TMPRSS15: variants seen among roughly 807,000 people sequenced by gnomAD.
TMPRSS15 encodes the protein transmembrane serine protease 15.
Under a neutral mutation model 125.3 loss-of-function variants are expected in TMPRSS15, and 128 were observed. The ratio of observed to expected loss-of-function variants is 1.02; its 90% CI spans 0.89 to 1.18. The LOEUF is 1.18. Ranked by LOEUF, TMPRSS15 falls within the 50% of genes most tolerant of loss-of-function variation. The probability of loss-of-function intolerance (pLI) is 0.00; values close to 1 mark genes in which losing one functional copy is unlikely to be tolerated. For missense variants in TMPRSS15, 1,283 were observed against 1,212.7 expected, an observed-to-expected ratio of 1.06 and a Z score of -0.86; for synonymous variants, 446 against 423.2, an observed-to-expected ratio of 1.05 and a Z score of -0.66.
chr21:18,327,860 T>C (rs1438478001), intron 15 of TMPRSS15, among the ~76,000 whole-genome samples: 1 of 152,130 alleles, frequency 6.6e-6, no homozygotes, highest in Non-Finnish European at 1.5e-5. Context: ...ATGACCAGTG[T>C]GGCCAACATG....
rs773184292 is a variant in TMPRSS15 at position 18,353,900 on chromosome 21, T to C, written c.881-37A>G. The C allele has an allele frequency of 1.1e-4, 170 of 1,579,700 alleles. 1 individual carries two copies. The highest frequency in any genetic ancestry group is 1.8e-4 in the Middle Eastern group (1 of 5,670). ...AATAAACAACTGTTATATGTATATA[T>C]CTATCTGTTCATCTCTCTATCCATC... On this transcript the variant is annotated intron_variant, in intron 8 of 24. Transcript: ENST00000284885.
intron 15 of TMPRSS15, among the ~76,000 whole-genome samples, chr21:18,327,296 T>A (rs1264157922): frequency 6.6e-6 from 1 of 152,224 alleles, no homozygotes; most frequent in East Asian, 1.9e-4. Context: ...ACGTTTTAAT[T>A]TTTTAGATGA....
At chr21:18,366,906 T>C (rs2147036727) in intron 6 of TMPRSS15, among the ~76,000 whole-genome samples, 1 of 152,204 alleles carries the variant, frequency 6.6e-6, no homozygotes, top group Non-Finnish European at 1.5e-5. Flanking sequence ...TCAAATTACA[T>C]AATACAAGCT....
chr21:18,375,828 G>T (rs1041863947), intron 5 of TMPRSS15, among the ~76,000 whole-genome samples: 1 of 152,172 alleles, frequency 6.6e-6, no homozygotes, highest in Non-Finnish European at 1.5e-5. Flanking sequence ...TTTGACATTA[G>T]GAACCTCCTG....
upstream of TMPRSS15, among the ~76,000 whole-genome samples, chr21:18,405,765 T>C (rs2076149756): frequency 6.6e-6 from 1 of 152,120 alleles, no homozygotes. Context: ...ATTAAGCATA[T>C]ATAAAAAGCA....
At chr21:18,457,095 C>A (rs990212198) in intron 1 of TMPRSS15, among the ~76,000 whole-genome samples, 3 of 151,998 alleles carry the variant, frequency 2.0e-5, no homozygotes, top group African/African-American at 7.2e-5. Flanking sequence ...CCTATCTAAG[C>A]CTCAATTTCC....
In TMPRSS15 at chr21:18,332,734, C is replaced by A. The variant is rs149854117; in HGVS notation, c.1565-561G>T. On this transcript the variant is annotated intron_variant, in intron 13 of 24. Transcript: ENST00000284885. The stretch of plus-strand genomic sequence containing the variant: ...GAAATACAATTTGACCCAGCAATTC[C>A]GCTACTCGGTATATACCCAAAGGAA... Among the ~76,000 whole-genome samples, 1,087 of 152,204 alleles carry A rather than the reference C, an allele frequency of 7.1e-3. 17 individuals carry two copies. The highest frequency in any genetic ancestry group is 0.025 in the African/African-American group (1,030 of 41,504).
At chr21:18,451,135 T>TA (rs1188780166) in intron 1 of TMPRSS15, among the ~76,000 whole-genome samples, 1 of 152,178 alleles carries the variant, frequency 6.6e-6, no homozygotes, top group Non-Finnish European at 1.5e-5. Context: ...TTAAGGATTT[T>TA]ATTGTAATAC....
In TMPRSS15 at chr21:18,379,282, C is replaced by A; in HGVS notation, c.532+1G>T. ...ATAATAATAATATTATTAAAACTGACCTGGAGTTGCCAGATGACTGGTGGT... is the reference window on the plus strand; with the variant it reads ...ATAATAATAATATTATTAAAACTGAACTGGAGTTGCCAGATGACTGGTGGT... On this transcript the variant is annotated splice_donor_variant, in intron 5 of 24. Transcript: ENST00000284885. LOFTEE classifies it high-confidence loss of function. The A allele has an allele frequency of 7.6e-7, 1 of 1,316,230 alleles. No homozygotes were observed. Among genetic ancestry groups the A allele is most frequent in the South Asian group, 2.3e-5 (1 of 44,118 alleles). 81.5% of individuals were successfully genotyped at this position (1,316,230 alleles called of 1,614,324 possible).
At position 18,467,480 on chromosome 21, in the gene TMPRSS15, C is replaced by A. The variant is rs1189641932; in HGVS notation, c.10+18319G>T. Among the ~76,000 whole-genome samples, 3 of 151,866 alleles carry A rather than the reference C, an allele frequency of 2.0e-5. No homozygotes were observed. In the East Asian group the frequency reaches 5.8e-4, roughly 29 times the overall value. ...TATAATTTGAGGACAAGAATGCATT[C>A]TTTTGAGTAATAAGTCTTGATAAAT... On this transcript the variant is annotated intron_variant, in intron 1 of 7. Transcript: ENST00000422787.
At chr21:18,353,886 G>T in intron 8 of TMPRSS15, 23 bp from the exon 9 acceptor site, 1 of 1,597,176 alleles carries the variant, frequency 6.3e-7, no homozygotes, top group South Asian at 1.1e-5. Flanking sequence ...ATAAACAACT[G>T]TTATATGTAT....
At chr21:18,354,129 T>C (rs947720956) in intron 8 of TMPRSS15, among the ~76,000 whole-genome samples, 1 of 151,904 alleles carries the variant, frequency 6.6e-6, no homozygotes, top group African/African-American at 2.4e-5. Flanking sequence ...GTTAGCTCTA[T>C]GCACTATATA....
chr21:18,392,056 A>C (rs941673741), intron 3 of TMPRSS15, among the ~76,000 whole-genome samples: 2 of 152,182 alleles, frequency 1.3e-5, no homozygotes, highest in African/African-American at 2.4e-5. Context: ...CCTGGGCCCC[A>C]TCCACAAACC....
intron 18 of TMPRSS15, among the ~76,000 whole-genome samples, chr21:18,308,386 C>G (rs919182835): frequency 3.2e-4 from 49 of 151,128 alleles, no homozygotes; most frequent in Admixed American, 1.1e-3. Context: ...TACACACACA[C>G]ACACACACAC....
intron 21 of TMPRSS15, among the ~76,000 whole-genome samples, chr21:18,281,727 G>C (rs1167340094): frequency 6.6e-6 from 1 of 152,098 alleles, no homozygotes. Flanking sequence ...TCAGACAACT[G>C]TAGCTAGCAA....
At chr21:18,364,665 A>T (rs531895925) in intron 7 of TMPRSS15, among the ~76,000 whole-genome samples, 1 of 152,152 alleles carries the variant, frequency 6.6e-6, no homozygotes, top group Non-Finnish European at 1.5e-5. Flanking sequence ...ACTGATCCAA[A>T]TGTCTTTCAA....
intron 1 of TMPRSS15, among the ~76,000 whole-genome samples, chr21:18,478,431 C>G (rs1450496725): frequency 6.6e-6 from 1 of 151,966 alleles, no homozygotes; most frequent in African/African-American, 2.4e-5. Flanking sequence ...TAGGGTAATA[C>G]AGAAAGTTCT....
chr21:18,308,022 T>A (rs1488772537), intron 18 of TMPRSS15, among the ~76,000 whole-genome samples: 2 of 152,152 alleles, frequency 1.3e-5, no homozygotes, highest in African/African-American at 4.8e-5. Context: ...GCGCATCAAT[T>A]GTGGAAGCAA....
chr21:18,362,936 A>C (rs1329437762), intron 7 of TMPRSS15, among the ~76,000 whole-genome samples: 1 of 152,142 alleles, frequency 6.6e-6, no homozygotes, highest in Non-Finnish European at 1.5e-5. Flanking sequence ...GAACCCACAC[A>C]AACTGTCTCC....
Sources: gnomAD v4.1 joint callset for allele counts (sites outside exome capture counted in the v4.1 genomes callset) on GRCh38, gnomAD v4.1.1 for gene constraint, MANE v1.5 for transcripts, NCBI Gene and HGNC (gene_info 2026-07-23, HGNC 2026-07-21) for gene names.